The following SQOR variants were observed in gnomAD, a reference collection of about 807,000 sequenced individuals.
The protein encoded by SQOR is sulfide:quinone oxidoreductase, mitochondrial.
Under a neutral mutation model 48.6 loss-of-function variants are expected in SQOR, and 39 were observed. That is an observed-to-expected ratio of 0.80 (90% CI 0.62 to 1.05). The LOEUF is 1.05. Among genes scored for constraint, SQOR ranks in the 50% least tolerant of loss-of-function variants. The pLI, the probability that SQOR is intolerant of heterozygous loss-of-function variation, is 0.00. For synonymous variants in SQOR, 220 were observed against 206.2 expected (o/e 1.07, Z -0.57); for missense variants, 561 against 559.9 (o/e 1.00, Z -0.02).
At chr15:45,654,693 G>A (rs1297727698) in intron 1 of SQOR, among the ~76,000 whole-genome samples, 6 of 152,066 alleles carry the variant, frequency 3.9e-5, no homozygotes, top group Non-Finnish European at 7.4e-5. Context: ...AAGGAGTTTC[G>A]GAGTGGAGGT....
intron 1 of SQOR, among the ~76,000 whole-genome samples, chr15:45,637,797 A>C (rs941138339): frequency 1.3e-5 from 2 of 152,222 alleles, no homozygotes; most frequent in African/African-American, 4.8e-5. Context: ...GTAACACAGG[A>C]AATGTCTTAT....
In SQOR at chr15:45,662,278, G is replaced by C. The variant is rs114112036; in HGVS notation, c.405+153G>C. 9.0e-3 allele frequency among the ~76,000 whole-genome samples: 1,367 copies of C among 152,280 alleles called. 22 individuals carry two copies. Among genetic ancestry groups the C allele is most frequent in the African/African-American group, 0.031 (1,289 of 41,540 alleles). On this transcript the variant is annotated intron_variant, in intron 3 of 9. Transcript: ENST00000260324. ...GTTGAATACTACACAAGATGGCAGG[G>C]TATGTGGTAAGTGGAGGATAGATGG... is the stretch of plus-strand genomic sequence containing the variant.
intron 6 of SQOR, among the ~76,000 whole-genome samples, chr15:45,676,663 C>A (rs1387526631): frequency 6.6e-6 from 1 of 152,114 alleles, no homozygotes; most frequent in African/African-American, 2.4e-5. Flanking sequence ...TCCTCGAATG[C>A]AAGATCTGGT....
chr15:45,669,257 C>T (rs1452881139), intron 3 of SQOR, among the ~76,000 whole-genome samples: 1 of 151,786 alleles, frequency 6.6e-6, no homozygotes, highest in Admixed American at 6.6e-5. Context: ...GCAACCTCCA[C>T]CTCCCAGGCT....
chr15:45,658,677 T>A (rs1028002532), intron 1 of SQOR, among the ~76,000 whole-genome samples: 1 of 152,152 alleles, frequency 6.6e-6, no homozygotes, highest in Admixed American at 6.6e-5. Context: ...CTCGATAGCC[T>A]GAACGTAGGC....
At chr15:45,665,799 G>T (rs1249938416) in intron 3 of SQOR, among the ~76,000 whole-genome samples, 1 of 152,180 alleles carries the variant, frequency 6.6e-6, no homozygotes, top group Non-Finnish European at 1.5e-5. Flanking sequence ...GGCCAGGCTG[G>T]TCTCAAACTC....
Position 45,669,855 on chromosome 15 carries a change from C to G in SQOR, c.406-73C>G. ...TCCCTTAGACCACATGGAACCACATCTGGGGCCTGAGTCAGTCCTTGAGTT... is the reference window on the plus strand; with the variant it reads ...TCCCTTAGACCACATGGAACCACATGTGGGGCCTGAGTCAGTCCTTGAGTT... On this transcript the variant is annotated intron_variant, in intron 3 of 9. Coordinates refer to ENST00000260324, the MANE Select transcript of SQOR (RefSeq NM_021199.4). The G allele has an allele frequency of 1.5e-5, 20 of 1,296,802 alleles. No homozygotes were observed. The South Asian group carries it at 2.3e-4, about 15-fold the overall frequency. 80.3% of individuals were successfully genotyped at this position (1,296,802 alleles called of 1,614,324 possible). A position where few individuals can be genotyped will look rare whatever the true frequency, so the allele number is the denominator to read the frequency against.
intron 8 of SQOR, 29 bp from the exon 9 acceptor site, chr15:45,689,010 T>C: frequency 6.2e-7 from 1 of 1,605,934 alleles, no homozygotes; most frequent in Non-Finnish European, 8.5e-7. Context: ...AAAATCTACT[T>C]TCCAACTCAG....
At chr15:45,664,076 T>G (rs1889769598) in intron 3 of SQOR, among the ~76,000 whole-genome samples, 1 of 152,180 alleles carries the variant, frequency 6.6e-6, no homozygotes. Context: ...TGGAGCTAAT[T>G]GGTATTGGGG....
chr15:45,691,022 A>G lies in SQOR; in HGVS notation c.1345A>G (p.Met449Val), dbSNP rs1257494628. 1.9e-6 allele frequency: 3 copies of G among 1,614,092 alleles called. No homozygotes were observed. Among genetic ancestry groups the G allele is most frequent in the Non-Finnish European group, 1.7e-6 (2 of 1,179,994 alleles). Reference protein sequence around the residue: ...AFLRKLFHLGMS With the variant: ...AFLRKLFHLGVS ...TCTGCGCAAGTTGTTTCATCTAGGT[A>G]TGAGTTAAGGATGGCTCAGCACTTG... is the stretch of plus-strand genomic sequence containing the variant. Residue 449 changes from methionine to valine, a missense_variant, in exon 10 of 10, where the codon ATG (methionine) becomes GTG (valine). Physicochemically the swap from Met to Val is conservative, Grantham distance 21. Coordinates refer to ENST00000260324, the MANE Select transcript of SQOR (RefSeq NM_021199.4).
At chr15:45,681,173 A>C (rs1890121814) in intron 6 of SQOR, among the ~76,000 whole-genome samples, 1 of 152,240 alleles carries the variant, frequency 6.6e-6, no homozygotes, top group African/African-American at 2.4e-5. Context: ...ACTGTCCTCC[A>C]GTCTGGCAAC....
In SQOR at chr15:45,691,032, G is replaced by C; in HGVS notation, c.*2G>C. On this transcript the variant is annotated 3_prime_UTR_variant, in exon 10 of 10. Coordinates refer to ENST00000260324, the MANE Select transcript of SQOR (RefSeq NM_021199.4). Reference sequence around the variant, plus strand: ...TTGTTTCATCTAGGTATGAGTTAAGGATGGCTCAGCACTTGCTCATCTTGG... The same window carrying C: ...TTGTTTCATCTAGGTATGAGTTAAGCATGGCTCAGCACTTGCTCATCTTGG... 3 of 1,613,946 alleles carry C rather than the reference G, an allele frequency of 1.9e-6. No individual in the cohort carries two copies. The highest frequency in any genetic ancestry group is 2.5e-6 in the Non-Finnish European group (3 of 1,179,870).
intron 1 of SQOR, among the ~76,000 whole-genome samples, chr15:45,635,757 C>T (rs970280822): frequency 3.9e-5 from 6 of 152,200 alleles, no homozygotes; most frequent in Non-Finnish European, 8.8e-5. Flanking sequence ...CCTGCGCTGC[C>T]CATTGCTATA....
chr15:45,641,988 G>A (rs919678581), intron 1 of SQOR, among the ~76,000 whole-genome samples: 4 of 152,094 alleles, frequency 2.6e-5, no homozygotes, highest in Non-Finnish European at 4.4e-5. Context: ...TGAAACAGCC[G>A]CTTAATGGAT....
chr15:45,652,415 A>T (rs958093968), intron 1 of SQOR, among the ~76,000 whole-genome samples: 2 of 152,022 alleles, frequency 1.3e-5, no homozygotes, highest in African/African-American at 4.8e-5. Context: ...GCTCACAGCC[A>T]CCACCACCTC....
intron 5 of SQOR, among the ~76,000 whole-genome samples, chr15:45,675,726 C>G (rs1890024716): frequency 1.3e-5 from 2 of 152,132 alleles, no homozygotes; most frequent in Admixed American, 6.5e-5. Context: ...CACTGCTGTT[C>G]CCTCAGCACC....
chr15:45,638,654 G>T (rs949048717), intron 1 of SQOR, among the ~76,000 whole-genome samples: 2 of 151,820 alleles, frequency 1.3e-5, no homozygotes, highest in African/African-American at 4.8e-5. Context: ...AACCGGAGAG[G>T]AGGAAGTTGC....
At chr15:45,642,231 C>T (rs1895116752) in intron 1 of SQOR, among the ~76,000 whole-genome samples, 1 of 152,164 alleles carries the variant, frequency 6.6e-6, no homozygotes, top group African/African-American at 2.4e-5. Context: ...GGCTGAAATG[C>T]ACACCAGGGC....
At chr15:45,639,203 C>T (rs1431587981) in intron 1 of SQOR, among the ~76,000 whole-genome samples, 1 of 152,206 alleles carries the variant, frequency 6.6e-6, no homozygotes. Context: ...TACAGACACC[C>T]TGTGTGGTCC....
Sources: allele counts gnomAD v4.1 joint callset (sites outside exome capture counted in the v4.1 genomes callset), GRCh38; gene constraint gnomAD v4.1.1; transcripts MANE v1.5; gene names NCBI Gene and HGNC (gene_info 2026-07-23, HGNC 2026-07-21).